The following RPL31 variants were observed in gnomAD, a reference collection of about 807,000 sequenced individuals.
The protein encoded by RPL31 is ribosomal protein L31, also known as large ribosomal subunit protein eL31.
For synonymous variants in RPL31, 51 were observed against 55.0 expected, an observed-to-expected ratio of 0.93 and a Z score of 0.32; for missense variants, 95 against 164.0, an observed-to-expected ratio of 0.58 and a Z score of 2.30.
At chr2:101,011,313 G>T (rs973462749), downstream of RPL31, 43 of 922,752 alleles carry the variant, frequency 4.7e-5, no homozygotes, top group Non-Finnish European at 6.7e-5. Flanking sequence ...GTCCTCTAAA[G>T]GCAGTGAGTT....
intron 4 of RPL31, among the ~76,000 whole-genome samples, chr2:101,017,065 T>G (rs1679703932): frequency 7.2e-6 from 1 of 139,598 alleles, no homozygotes. Flanking sequence ...CCCTAAAACT[T>G]AAAAGTATTA....
intron 4 of RPL31, among the ~76,000 whole-genome samples, chr2:101,012,596 G>A (rs1055404962): frequency 1.4e-5 from 2 of 146,712 alleles, no homozygotes; most frequent in Non-Finnish European, 3.0e-5. Context: ...AAAATTGATT[G>A]TGGTGATCGC....
chr2:101,009,424 GA>G (rs78162684), downstream of RPL31, among the ~76,000 whole-genome samples: 1 of 143,678 alleles, frequency 7.0e-6, no homozygotes, highest in East Asian at 2.0e-4. Context: ...AAAAAAAAAA[GA>G]AAAATGCTTG....
rs996416398 is a variant in RPL31 at position 101,018,936 on chromosome 2, A to G, written c.347-62A>G. 7 of 1,584,812 alleles carry G rather than the reference A, an allele frequency of 4.4e-6. No homozygotes were observed. The Admixed American group carries it at 1.1e-4, about 24-fold the overall frequency. On this transcript the variant is annotated intron_variant, in intron 4 of 4. Coordinates refer to the RPL31 transcript ENST00000409028. ...ACTGTTGATGTCCTAATCTTCTGGA[A>G]TGCTCTTCGTCTGTGTGTTACCTGA...
At chr2:101,011,430 A>G, downstream of RPL31, 4 of 1,613,298 alleles carry the variant, frequency 2.5e-6, no homozygotes, top group Non-Finnish European at 3.4e-6. Flanking sequence ...GGGGAAAGCA[A>G]CAATGAAAAG....
intron 1 of RPL31, 114 bp from the exon 2 acceptor site, chr2:101,002,588 G>C (rs1678581889): frequency 1.1e-6 from 1 of 874,062 alleles, no homozygotes; most frequent in South Asian, 1.5e-5. Flanking sequence ...ACTTAGCCTG[G>C]CCAGACTCTC....
chr2:101,012,157 G>GT (rs1420502172), downstream of RPL31, among the ~76,000 whole-genome samples: 4 of 152,174 alleles, frequency 2.6e-5, no homozygotes, highest in Non-Finnish European at 4.4e-5. Context: ...CAGTCTGGCA[G>GT]TTTTTAAAAA....
chr2:101,016,334 C>T (rs2105368766), intron 4 of RPL31, among the ~76,000 whole-genome samples: 1 of 151,632 alleles, frequency 6.6e-6, no homozygotes, highest in South Asian at 2.1e-4. Flanking sequence ...TGCTCATCAT[C>T]ACTGGCCATC....
chr2:101,008,166 C>G, downstream of RPL31: 1 of 1,613,860 alleles, frequency 6.2e-7, no homozygotes, highest in Non-Finnish European at 8.5e-7. Flanking sequence ...CCTCCCCGAT[C>G]TGCAGCAGCA....
intron 4 of RPL31, among the ~76,000 whole-genome samples, chr2:101,017,429 C>G (rs1311218733): frequency 6.6e-6 from 1 of 152,090 alleles, no homozygotes; most frequent in Non-Finnish European, 1.5e-5. Flanking sequence ...TTGTTTACAC[C>G]AGCATCATCA....
At chr2:101,005,268 GAAGA>G (rs1573835426) in intron 3 of RPL31, 1 of 152,390 alleles carries the variant, frequency 6.6e-6, no homozygotes, top group African/African-American at 2.4e-5. Flanking sequence ...ATTGCATGTG[GAAGA>G]TAGAGAAATA....
In RPL31 at chr2:101,006,419, C is replaced by T. The variant is rs1259701627; in HGVS notation, c.*38C>T. The T allele has an allele frequency of 1.9e-6, 3 of 1,594,798 alleles. No homozygotes were observed. The highest frequency in any genetic ancestry group is 1.8e-5 in the Admixed American group (1 of 55,580). ...AGATCAAATAAAGTTATAAAATTGC[C>T]TTCATGTTTTTGTTCTTTTTAGTTG... On this transcript the variant is annotated 3_prime_UTR_variant, in exon 5 of 5. Transcript: ENST00000264258.
downstream of RPL31, among the ~76,000 whole-genome samples, chr2:101,008,909 G>A (rs1188109143): frequency 1.3e-5 from 2 of 152,142 alleles, no homozygotes; most frequent in African/African-American, 4.8e-5. Flanking sequence ...CAGCTGAAAC[G>A]CTATAAAGTT....
chr2:101,018,447 C>G (rs945984202), intron 4 of RPL31: 9 of 156,788 alleles, frequency 5.7e-5, no homozygotes, highest in Non-Finnish European at 9.9e-5. Context: ...AACTTCTTGA[C>G]AGAACTCATC....
Position 101,017,085 on chromosome 2 carries a change from AAAAAAGAC to A in RPL31, c.347-1909_347-1902del, listed in dbSNP as rs1190381843. Among the ~76,000 whole-genome samples the A allele has an allele frequency of 2.0e-4, 20 of 101,022 alleles. No homozygotes were observed. The East Asian group carries it at 2.4e-3, about 12-fold the overall frequency. The allele number at this position is 101,022 out of a possible 152,430, so 66.3% of individuals were successfully genotyped here. A position where few individuals can be genotyped will look rare whatever the true frequency, so the allele number is the denominator to read the frequency against. On this transcript the variant is annotated intron_variant, in intron 4 of 4. Transcript: ENST00000409028. Reference sequence around the variant, plus strand: ...AAACTTAAAAGTATTAAAAAAAAAAAAAAAAGACAAACACGCACATTAGCCTAGGCCTA... The same window carrying A: ...AAACTTAAAAGTATTAAAAAAAAAAAAAACACGCACATTAGCCTAGGCCTA...
At chr2:101,015,299 T>G (rs1679542494) in intron 4 of RPL31, among the ~76,000 whole-genome samples, 1 of 152,224 alleles carries the variant, frequency 6.6e-6, no homozygotes, top group African/African-American at 2.4e-5. Flanking sequence ...GTTGCAGGGC[T>G]GTGGAAGCTG....
downstream of RPL31, among the ~76,000 whole-genome samples, chr2:101,009,296 C>A (rs1678996736): frequency 6.6e-6 from 1 of 151,716 alleles, no homozygotes; most frequent in African/African-American, 2.4e-5. Flanking sequence ...GTCCCAGCTA[C>A]TCGGGAAGCT....
At chr2:101,014,723 C>T (rs13389359) in intron 4 of RPL31, among the ~76,000 whole-genome samples, 8,033 of 152,158 alleles carry the variant, frequency 0.053, 718 homozygotes, top group African/African-American at 0.18. Context: ...CATATTGGCA[C>T]GTTCTTAAAA....
At chr2:101,015,909 T>C (rs879016188) in intron 4 of RPL31, among the ~76,000 whole-genome samples, 8 of 152,064 alleles carry the variant, frequency 5.3e-5, no homozygotes, top group Admixed American at 4.6e-4. Context: ...TTACACCTTA[T>C]ACAAAAATTA....
Sources: gnomAD v4.1 joint callset for allele counts (sites outside exome capture counted in the v4.1 genomes callset) on GRCh38, gnomAD v4.1.1 for gene constraint, MANE v1.5 for transcripts, NCBI Gene and HGNC (gene_info 2026-07-23, HGNC 2026-07-21) for gene names.